The following WDR88 variants were observed in gnomAD, a reference collection of about 807,000 sequenced individuals.
WDR88 encodes WD repeat domain 88, also known as WD repeat-containing protein 88.
In WDR88, 40 loss-of-function variants were observed where a neutral mutation model predicts 46.8. That is an observed-to-expected ratio of 0.86 (90% CI 0.66 to 1.11). The LOEUF is 1.11. WDR88 is among the 50% of genes most tolerant of loss of function. The pLI, the probability that WDR88 is intolerant of heterozygous loss-of-function variation, is 0.00. For missense variants in WDR88, 562 were observed against 602.4 expected, an observed-to-expected ratio of 0.93 and a Z score of 0.70; for synonymous variants, 235 against 240.7, an observed-to-expected ratio of 0.98 and a Z score of 0.22.
Position 33,174,255 on chromosome 19 carries a change from CA to C in WDR88, c.1243-1140del. The stretch of plus-strand genomic sequence containing the variant: ...ATTTGACTTGCTCTGAATCAATCAA[CA>C]TGAGAAGCCTGAGGCCAGGCTTCCC... On this transcript the variant is annotated intron_variant, in intron 10 of 10. Transcript: ENST00000355868. 3 of 1,535,874 alleles carry C rather than the reference CA, an allele frequency of 2.0e-6. No homozygotes were observed. The South Asian group carries it at 3.6e-5, about 18-fold the overall frequency.
chr19:33,133,198 T>TAAATATAGAGAGAGAG (rs1555723214), intron 1 of WDR88, among the ~76,000 whole-genome samples: 2 of 79,722 alleles, frequency 2.5e-5, no homozygotes, highest in African/African-American at 6.5e-5. Context: ...TAAATAAATA[T>TAAATATAGAGAGAGAG]AGAGAGAGAG....
rs376810885 is a variant in WDR88 at position 33,158,906 on chromosome 19, TCCA to T, written c.998-1507_998-1505del. ...GTAGAGATGGGGTTTCGCCATGTTG[TCCA>T]GGCTGGTCTTGAACTCCTGTCCTCA... On this transcript the variant is annotated intron_variant, in intron 7 of 10. Transcript: ENST00000355868. Among the ~76,000 whole-genome samples, 590 of 152,166 alleles carry T rather than the reference TCCA, an allele frequency of 3.9e-3. 2 individuals carry two copies. Among genetic ancestry groups the T allele is most frequent in the African/African-American group, 0.013 (559 of 41,534 alleles).
chr19:33,151,419 G>A, intron 6 of WDR88, 109 bp downstream of exon 6: 1 of 1,385,884 alleles, frequency 7.2e-7, no homozygotes, highest in Admixed American at 2.3e-5. Context: ...CTGTAGCTTG[G>A]TCATAGGTGC....
chr19:33,161,964 T>C (rs1039763736), intron 8 of WDR88, among the ~76,000 whole-genome samples: 1 of 152,200 alleles, frequency 6.6e-6, no homozygotes, highest in East Asian at 1.9e-4. Context: ...GTTGTTCTAT[T>C]CTCTCTCCTC....
rs1172380121 is a variant in WDR88, at chr19:33,175,643, C to T, written c.*71C>T. The T allele has an allele frequency of 1.3e-5, 20 of 1,575,912 alleles. No individual in the cohort carries two copies. In the Admixed American group the frequency reaches 3.1e-4, roughly 24 times the overall value. On this transcript the variant is annotated 3_prime_UTR_variant, in exon 11 of 11. Coordinates refer to ENST00000355868, the MANE Select transcript of WDR88 (RefSeq NM_173479.4). The stretch of plus-strand genomic sequence containing the variant: ...TGTAGGTTTCGGGGCTTTGCAGGGG[C>T]TTTCTCTTGGGCCCCTCCCAGGCTC...
At chr19:33,136,654 C>T (rs983495098) in intron 1 of WDR88, among the ~76,000 whole-genome samples, 1 of 151,944 alleles carries the variant, frequency 6.6e-6, no homozygotes, top group Admixed American at 6.6e-5. Context: ...CCTCCGCCTC[C>T]TGGGTTCAAG....
chr19:33,132,486 C>G, intron 1 of WDR88, 41 bp downstream of exon 1: 1 of 1,600,398 alleles, frequency 6.2e-7, no homozygotes, highest in Non-Finnish European at 8.5e-7. Context: ...TGGCCTGTTC[C>G]CCACACGGGA....
At chr19:33,160,062 G>A (rs1018785980) in intron 7 of WDR88, among the ~76,000 whole-genome samples, 1 of 152,110 alleles carries the variant, frequency 6.6e-6, no homozygotes, top group African/African-American at 2.4e-5. Flanking sequence ...TCTGACAGGA[G>A]GCCGAGCTCA....
Position 33,134,006 on chromosome 19 carries a change from C to A in WDR88, c.276+1561C>A, listed in dbSNP as rs866534029. ...CTGAGCTGCAGCATCAGGTCCAGGC[C>A]CCATGGGGGAGGAGGCTCTTGAGGT... is the stretch of plus-strand genomic sequence containing the variant. On this transcript the variant is annotated intron_variant, in intron 1 of 10. Coordinates refer to ENST00000355868, the MANE Select transcript of WDR88 (RefSeq NM_173479.4). 3.3e-4 allele frequency among the ~76,000 whole-genome samples: 51 copies of A among 152,338 alleles called. No homozygotes were observed. In the Middle Eastern group the frequency reaches 0.014, roughly 41 times the overall value.
chr19:33,138,608 A>C (rs1347117286), intron 2 of WDR88, among the ~76,000 whole-genome samples: 1 of 151,688 alleles, frequency 6.6e-6, no homozygotes, highest in Non-Finnish European at 1.5e-5. Context: ...CAGCCTACCA[A>C]AGTGCAGGGA....
Position 33,144,864 on chromosome 19 carries a change from G to A in WDR88, c.408G>A (p.Val136=). The change falls in exon 3 of 11, where the codon GTG becomes GTA. Residue 136 remains valine (V), a synonymous_variant. Coordinates refer to ENST00000355868, the MANE Select transcript of WDR88 (RefSeq NM_173479.4). ...VKLWDPVDGS[V]VRDFEHRPKA... Reference sequence around the variant, plus strand: ...TTGAGGATCCGGTGGACGGTTCTGTGGTTCGCGATTTTGAGCACAGGCCCA... The same window carrying A: ...TTGAGGATCCGGTGGACGGTTCTGTAGTTCGCGATTTTGAGCACAGGCCCA... 3 of 1,613,670 alleles carry A rather than the reference G, an allele frequency of 1.9e-6. No individual in the cohort carries two copies. Among genetic ancestry groups the A allele is most frequent in the Non-Finnish European group, 1.7e-6 (2 of 1,179,908 alleles).
In WDR88 at chr19:33,175,599, C is replaced by T. The variant is rs777221589; in HGVS notation, c.*27C>T. The T allele has an allele frequency of 4.3e-6, 7 of 1,613,412 alleles. No individual in the cohort carries two copies. Among genetic ancestry groups the T allele is most frequent in the Admixed American group, 1.7e-5 (1 of 59,990 alleles). The stretch of plus-strand genomic sequence containing the variant: ...AGCCACAGGCCCCTTTGAGTGACTC[C>T]AGCACAGGCTACCTAGCATGTAGGT... On this transcript the variant is annotated 3_prime_UTR_variant, in exon 11 of 11. Transcript: ENST00000355868.
chr19:33,162,227 GTC>G (rs1219217813), intron 8 of WDR88, among the ~76,000 whole-genome samples: 6 of 151,860 alleles, frequency 4.0e-5, no homozygotes, highest in African/African-American at 1.5e-4. Context: ...TGAGACGGGA[GTC>G]TCGCTCTGTC....
In WDR88 at chr19:33,175,489, G is replaced by T. The variant is rs756563131; in HGVS notation, c.1336G>T (p.Gly446Cys). 2.4e-5 allele frequency: 38 copies of T among 1,614,060 alleles called. No individual in the cohort carries two copies. Among genetic ancestry groups the T allele is most frequent in the Non-Finnish European group, 3.1e-5 (37 of 1,180,042 alleles). The change falls in exon 11 of 11, where the codon GGC becomes TGC. Residue 446 changes from glycine to cysteine, a missense_variant. Gly to Cys is a radical substitution (Grantham distance 159). Coordinates refer to ENST00000355868, the MANE Select transcript of WDR88 (RefSeq NM_173479.4). ...QCVFCRIDTRGLPADTSSSSS... is the reference protein window; with the variant it reads ...QCVFCRIDTRCLPADTSSSSS... ...CGTGTTCTGCCGGATAGATACAAGG[G>T]GCTTGCCAGCAGATACTTCATCGTC...
intron 5 of WDR88, among the ~76,000 whole-genome samples, chr19:33,150,162 T>C (rs1240789137): frequency 1.3e-5 from 2 of 152,044 alleles, no homozygotes; most frequent in East Asian, 3.9e-4. Flanking sequence ...GTAAAGACAT[T>C]CATTATGGGC....
rs546327371 is a variant in WDR88, at chr19:33,162,701, A to G, written c.1081-1496A>G. Among the ~76,000 whole-genome samples, 17 of 152,128 alleles carry G rather than the reference A, an allele frequency of 1.1e-4. No individual in the cohort carries two copies. In the South Asian group the frequency reaches 1.9e-3, roughly 17 times the overall value. On this transcript the variant is annotated intron_variant, in intron 8 of 10. Coordinates refer to ENST00000355868, the MANE Select transcript of WDR88 (RefSeq NM_173479.4). The stretch of plus-strand genomic sequence containing the variant: ...CTGGGAATATAATATTTCTCCCCCA[A>G]TCTTGCTAAACACCCGAGTACTATT...
chr19:33,147,579 G>T, intron 3 of WDR88, 66 bp from the exon 4 acceptor site: 1 of 1,528,814 alleles, frequency 6.5e-7, no homozygotes, highest in Admixed American at 1.7e-5. Context: ...CTCCAGCTGG[G>T]GCAACAGAAA....
rs752445648 is a variant in WDR88, at chr19:33,137,788, G to T, written c.387+1G>T. The T allele has an allele frequency of 6.2e-7, 1 of 1,612,132 alleles. No homozygotes were observed. Among genetic ancestry groups the T allele is most frequent in the Admixed American group, 1.7e-5 (1 of 59,782 alleles). On this transcript the variant is annotated splice_donor_variant, in intron 2 of 10. Coordinates refer to ENST00000355868, the MANE Select transcript of WDR88 (RefSeq NM_173479.4). LOFTEE classifies it high-confidence loss of function. ...CTATGACTGCACTGTGAAGCTGTGG[G>T]TAGGTGGCCGGCTGTTAGGTACTCC...
At chr19:33,147,149 A>AT (rs1359641348) in intron 3 of WDR88, among the ~76,000 whole-genome samples, 2 of 150,972 alleles carry the variant, frequency 1.3e-5, no homozygotes, top group African/African-American at 4.9e-5. Context: ...AGGTAGGAGG[A>AT]TCACTTGAGC....
Sources: allele counts gnomAD v4.1 joint callset (sites outside exome capture counted in the v4.1 genomes callset), GRCh38; gene constraint gnomAD v4.1.1; transcripts MANE v1.5; gene names NCBI Gene and HGNC (gene_info 2026-07-23, HGNC 2026-07-21).